The following OTOGL variants were observed in gnomAD, a reference collection of about 807,000 sequenced individuals.
The protein encoded by OTOGL is otogelin-like protein.
OTOGL carries 285 observed loss-of-function variants against 318.5 expected under a neutral mutation model. The ratio of observed to expected loss-of-function variants is 0.89; its 90% CI spans 0.81 to 0.99. OTOGL has a LOEUF of 0.99. Among genes scored for constraint, OTOGL ranks in the 50% least tolerant of loss-of-function variants. The pLI is 0.00. For missense variants in OTOGL, 2,899 were observed against 2,845.6 expected (o/e 1.02, Z -0.43); for synonymous variants, 987 against 936.5 (o/e 1.05, Z -0.99).
chr12:80,105,252 CAT>C (rs950961614), intron 1 of OTOGL, among the ~76,000 whole-genome samples: 9 of 152,132 alleles, frequency 5.9e-5, no homozygotes, highest in African/African-American at 1.2e-4. Flanking sequence ...GAGTTTAAAA[CAT>C]ATGTGGAGAA....
intron 1 of OTOGL, among the ~76,000 whole-genome samples, chr12:80,146,551 A>T (rs946846032): frequency 1.7e-4 from 25 of 150,050 alleles, no homozygotes; most frequent in African/African-American, 6.1e-4. Flanking sequence ...AGGCTTTGGT[A>T]TCAGAATGAT....
chr12:80,301,972 C>T (rs1592678598), intron 27 of OTOGL, among the ~76,000 whole-genome samples: 1 of 152,298 alleles, frequency 6.6e-6, no homozygotes, highest in East Asian at 1.9e-4. Context: ...ATTTCTTTTC[C>T]CTTCTTCACA....
rs150473405 is a variant in OTOGL, at chr12:80,190,514, G to A, written c.-19-18899G>A. On this transcript the variant is annotated intron_variant, in intron 1 of 58. Coordinates refer to ENST00000547103, the MANE Select transcript of OTOGL (RefSeq NM_001378609.3). ...GTTTAAGAGTGAATCCAGGCCGGGC[G>A]CGGTGGCTCACGCCTGTAATCCCAG... Among the ~76,000 whole-genome samples the A allele has an allele frequency of 8.5e-5, 13 of 152,242 alleles. No individual in the cohort carries two copies. In the East Asian group the frequency reaches 2.3e-3, roughly 27 times the overall value.
At chr12:80,347,388 C>T (rs1005723688) in intron 44 of OTOGL, among the ~76,000 whole-genome samples, 15 of 151,988 alleles carry the variant, frequency 9.9e-5, no homozygotes, top group Non-Finnish European at 1.8e-4. Flanking sequence ...TGAGAACATG[C>T]GGTGTTTGGT....
In OTOGL at chr12:80,358,688, TG is replaced by T; in HGVS notation, c.6140del (p.Cys2047PhefsTer12). On this transcript the variant is annotated frameshift_variant, in exon 51 of 59. Transcript: ENST00000547103. LOFTEE classifies it high-confidence loss of function. Reference sequence around the variant, plus strand: ...CTTTTTAGTATGTGAACCAAACCTTTGTCCTATGCCATTACTCAACTGTGCA... The same window carrying T: ...CTTTTTAGTATGTGAACCAAACCTTTTCCTATGCCATTACTCAACTGTGCA... ...QYYCVCEPNLCPMPLLNCAED... is the reference protein window; with the variant it reads ...QYYCVCEPNLXPMPLLNCAED... The T allele has an allele frequency of 6.2e-7, 1 of 1,612,200 alleles. No individual in the cohort carries two copies. Among genetic ancestry groups the T allele is most frequent in the Non-Finnish European group, 8.5e-7 (1 of 1,178,648 alleles).
At chr12:80,167,358 A>G (rs556790202) in intron 1 of OTOGL, among the ~76,000 whole-genome samples, 2 of 152,236 alleles carry the variant, frequency 1.3e-5, no homozygotes, top group South Asian at 4.1e-4. Flanking sequence ...TTAAAAGAGT[A>G]ATTGGAAGGC....
At chr12:80,223,565 C>T (rs1244162589) in intron 7 of OTOGL, among the ~76,000 whole-genome samples, 1 of 151,990 alleles carries the variant, frequency 6.6e-6, no homozygotes, top group African/African-American at 2.4e-5. Context: ...AAAGTGTTCC[C>T]TTTTCACCAC....
intron 30 of OTOGL, among the ~76,000 whole-genome samples, chr12:80,313,225 A>T (rs1886751894): frequency 6.6e-6 from 1 of 152,062 alleles, no homozygotes; most frequent in Admixed American, 6.6e-5. Context: ...AATCTGTTAT[A>T]TTGCAGATGT....
In OTOGL at chr12:80,146,959, A is replaced by G. The variant is rs545352135; in HGVS notation, c.-20+47354A>G. 1.3e-3 allele frequency among the ~76,000 whole-genome samples: 199 copies of G among 150,854 alleles called. 1 individual carries two copies. Among genetic ancestry groups the G allele is most frequent in the Non-Finnish European group, 2.2e-3 (149 of 67,620 alleles). ...TTGATTCTTCTCTCTTTTTTTCTTTATTAGTCTTGCTAGTTGTCTATTTTG... is the reference window on the plus strand; with the variant it reads ...TTGATTCTTCTCTCTTTTTTTCTTTGTTAGTCTTGCTAGTTGTCTATTTTG... On this transcript the variant is annotated intron_variant, in intron 1 of 58. Coordinates refer to ENST00000547103, the MANE Select transcript of OTOGL (RefSeq NM_001378609.3).
chr12:80,119,761 A>G (rs1415512463), intron 1 of OTOGL, among the ~76,000 whole-genome samples: 1 of 152,166 alleles, frequency 6.6e-6, no homozygotes. Flanking sequence ...CCTTTAATAC[A>G]ATTTTTTTGT....
intron 50 of OTOGL, 61 bp from the exon 51 acceptor site, chr12:80,358,610 A>G: frequency 7.8e-7 from 1 of 1,286,668 alleles, no homozygotes. Context: ...ACTAAATGGT[A>G]GGTAATGAGA....
At position 80,253,302 on chromosome 12, in the gene OTOGL, C is replaced by CT. The variant is rs1881736471; in HGVS notation, c.1286-163dup. Reference sequence around the variant, plus strand: ...TGAAATAGATCCTTTAAGGTAGCTACTGCCTGAGAGTCAGGTTGTCAGTAA... The same window carrying CT: ...TGAAATAGATCCTTTAAGGTAGCTACTTGCCTGAGAGTCAGGTTGTCAGTAA... On this transcript the variant is annotated intron_variant, in intron 13 of 58. Coordinates refer to ENST00000547103, the MANE Select transcript of OTOGL (RefSeq NM_001378609.3). 2.0e-5 allele frequency among the ~76,000 whole-genome samples: 3 copies of CT among 152,272 alleles called. No homozygotes were observed. In the South Asian group the frequency reaches 6.2e-4, roughly 32 times the overall value.
chr12:80,156,812 G>A (rs145147614), intron 1 of OTOGL, among the ~76,000 whole-genome samples: 1 of 152,222 alleles, frequency 6.6e-6, no homozygotes, highest in Non-Finnish European at 1.5e-5. Context: ...TCTTGGGTAT[G>A]TCTTTATCAG....
At chr12:80,360,215 T>C (rs1442196151) in intron 52 of OTOGL, among the ~76,000 whole-genome samples, 1 of 152,186 alleles carries the variant, frequency 6.6e-6, no homozygotes, top group Non-Finnish European at 1.5e-5. Flanking sequence ...TCAGTATTAG[T>C]TATAAGTATT....
In OTOGL at chr12:80,370,497, T is replaced by C. The variant is rs575966882; in HGVS notation, c.6616-73T>C. On this transcript the variant is annotated intron_variant, in intron 55 of 58. Transcript: ENST00000547103. ...CATCTTGATTTGACTTTTTATTCAA[T>C]AGAATAATATTGTACTTAATAAATA... is the stretch of plus-strand genomic sequence containing the variant. 4.8e-6 allele frequency: 6 copies of C among 1,247,158 alleles called. No individual in the cohort carries two copies. The East Asian group carries it at 1.4e-4, about 29-fold the overall frequency. The allele number at this position is 1,247,158 out of a possible 1,614,324, so 77.3% of individuals were successfully genotyped here. A position where few individuals can be genotyped will look rare whatever the true frequency, so the allele number is the denominator to read the frequency against.
chr12:80,372,483 T>A (rs186820577), intron 57 of OTOGL, among the ~76,000 whole-genome samples: 72 of 152,186 alleles, frequency 4.7e-4, no homozygotes, highest in African/African-American at 1.6e-3. Context: ...AGAATGGCAT[T>A]GTGACTCCAA....
At chr12:80,371,923 A>G in intron 56 of OTOGL, 96 bp from the exon 57 acceptor site, 1 of 684,614 alleles carries the variant, frequency 1.5e-6, no homozygotes, top group Non-Finnish European at 2.2e-6. Flanking sequence ...GTGGTATTTG[A>G]TAAAAGTTTT....
intron 1 of OTOGL, among the ~76,000 whole-genome samples, chr12:80,183,474 A>T (rs572317479): frequency 6.6e-6 from 1 of 152,286 alleles, no homozygotes; most frequent in African/African-American, 2.4e-5. Context: ...TAGAATCAGG[A>T]TGTTTTTGGG....
intron 11 of OTOGL, among the ~76,000 whole-genome samples, chr12:80,239,955 C>T (rs1012807726): frequency 6.6e-6 from 1 of 152,030 alleles, no homozygotes; most frequent in Non-Finnish European, 1.5e-5. Flanking sequence ...GTTTTAGTTC[C>T]CACATATGAG....
Sources: gnomAD v4.1 joint callset for allele counts (sites outside exome capture counted in the v4.1 genomes callset) on GRCh38, gnomAD v4.1.1 for gene constraint, MANE v1.5 for transcripts, NCBI Gene and HGNC (gene_info 2026-07-23, HGNC 2026-07-21) for gene names.